Variants in CSMD1 observed in about 807,000 individuals in gnomAD.
The protein encoded by CSMD1 is CUB and Sushi multiple domains 1.
Under a neutral mutation model 417.5 loss-of-function variants are expected in CSMD1, and 213 were observed. That is an observed-to-expected ratio of 0.51 (90% CI 0.46 to 0.57). The LOEUF (loss-of-function observed/expected upper bound fraction) is 0.57. Ranked by LOEUF, CSMD1 falls within the 20% of genes least tolerant of loss-of-function variation. The pLI is 0.00. For missense variants in CSMD1, 6,923 were observed against 4,529.7 expected (o/e 1.53, Z -15.17); for synonymous variants, 2,862 against 1,736.8 (o/e 1.65, Z -16.11).
intron 7 of CSMD1, among the ~76,000 whole-genome samples, chr8:3,643,498 C>G (rs903217978): frequency 5.3e-5 from 8 of 151,814 alleles, no homozygotes; most frequent in Admixed American, 3.9e-4. Context: ...GTCAGGAGAT[C>G]GAAACCATCC....
At chr8:3,261,756 C>A (rs1801075155) in intron 26 of CSMD1, among the ~76,000 whole-genome samples, 1 of 152,116 alleles carries the variant, frequency 6.6e-6, no homozygotes, top group Non-Finnish European at 1.5e-5. Flanking sequence ...CGAGAGACGA[C>A]ACACTGCCTG....
chr8:3,097,604 G>A (rs1036032141), intron 46 of CSMD1, among the ~76,000 whole-genome samples: 1 of 152,158 alleles, frequency 6.6e-6, no homozygotes, highest in Non-Finnish European at 1.5e-5. Flanking sequence ...TGTCCTGGGT[G>A]AGACATAGCC....
intron 12 of CSMD1, among the ~76,000 whole-genome samples, chr8:3,462,105 C>T (rs1212063538): frequency 7.3e-6 from 1 of 137,888 alleles, no homozygotes; most frequent in South Asian, 2.4e-4. Context: ...CATTTGGGTG[C>T]TCTCTTCAGA....
At chr8:3,013,729 C>T (rs1293585748) in intron 52 of CSMD1, among the ~76,000 whole-genome samples, 1 of 148,150 alleles carries the variant, frequency 6.7e-6, no homozygotes, top group Non-Finnish European at 1.5e-5. Context: ...TCAGCCTGGG[C>T]AACTGAGACT....
Position 3,168,076 on chromosome 8 carries a change from C to T in CSMD1, c.5726-5799G>A, listed in dbSNP as rs1223460849. Among the ~76,000 whole-genome samples, 5 of 150,322 alleles carry T rather than the reference C, an allele frequency of 3.3e-5. No individual in the cohort carries two copies. In the South Asian group the frequency reaches 6.3e-4, roughly 19 times the overall value. The stretch of plus-strand genomic sequence containing the variant: ...TTAGAAAAAAAAAAAAAAGATATTT[C>T]AAACTAGAGAGCTCAAAACAAAAAA... On this transcript the variant is annotated intron_variant, in intron 37 of 69. Transcript: ENST00000635120.
At chr8:4,777,786 T>G (rs1264462392) in intron 1 of CSMD1, among the ~76,000 whole-genome samples, 11 of 152,094 alleles carry the variant, frequency 7.2e-5, no homozygotes, top group African/African-American at 2.7e-4. Context: ...AGTCAAAGAG[T>G]AAACATGACC....
chr8:4,892,685 A>G (rs1045267076), intron 1 of CSMD1, among the ~76,000 whole-genome samples: 1 of 151,944 alleles, frequency 6.6e-6, no homozygotes, highest in Non-Finnish European at 1.5e-5. Context: ...ATGCATTCAT[A>G]TAGTCTTTTT....
At chr8:4,932,653 A>G (rs540883869) in intron 1 of CSMD1, among the ~76,000 whole-genome samples, 1 of 152,310 alleles carries the variant, frequency 6.6e-6, no homozygotes, top group Admixed American at 6.5e-5. Context: ...TTCAGGACAA[A>G]TTGGTAAAGG....
intron 2 of CSMD1, among the ~76,000 whole-genome samples, chr8:4,593,766 T>C (rs914230780): frequency 7.2e-5 from 11 of 152,218 alleles, no homozygotes; most frequent in African/African-American, 2.4e-4. Context: ...ATTTCCATTT[T>C]GCAAAAAAGG....
intron 5 of CSMD1, among the ~76,000 whole-genome samples, chr8:3,790,078 T>C (rs1191915853): frequency 6.6e-6 from 1 of 152,222 alleles, no homozygotes; most frequent in Non-Finnish European, 1.5e-5. Flanking sequence ...TCAATGAAGG[T>C]CCATTATATG....
At chr8:4,246,938 G>T (rs989426644) in intron 3 of CSMD1, among the ~76,000 whole-genome samples, 1 of 152,278 alleles carries the variant, frequency 6.6e-6, no homozygotes, top group East Asian at 1.9e-4. Flanking sequence ...AGAGAATGTA[G>T]ATAATATTGA....
intron 1 of CSMD1, among the ~76,000 whole-genome samples, chr8:4,717,477 C>T (rs1808746763): frequency 6.6e-6 from 1 of 151,506 alleles, no homozygotes; most frequent in Non-Finnish European, 1.5e-5. Flanking sequence ...TATACACACA[C>T]ACCCCTTTCT....
chr8:3,530,656 G>C (rs1051385299), intron 10 of CSMD1, among the ~76,000 whole-genome samples: 2 of 152,086 alleles, frequency 1.3e-5, no homozygotes, highest in African/African-American at 4.8e-5. Flanking sequence ...CAAGTAGCTA[G>C]GATTACAAGT....
chr8:4,859,289 G>A (rs985878771), intron 1 of CSMD1, among the ~76,000 whole-genome samples: 53 of 152,134 alleles, frequency 3.5e-4, no homozygotes, highest in African/African-American at 1.1e-3. Flanking sequence ...AGACTTAAAC[G>A]TTAGACCTAA....
At chr8:2,955,820 A>G (rs1055577611) in intron 63 of CSMD1, 52 bp from the exon 64 acceptor site, 5 of 1,532,100 alleles carry the variant, frequency 3.3e-6, no homozygotes, top group Non-Finnish European at 4.5e-6. Context: ...AAGTTAGCAC[A>G]TGTGTCTAGA....
chr8:2,997,983 A>C, intron 54 of CSMD1, 28 bp downstream of exon 54: 1 of 1,604,272 alleles, frequency 6.2e-7, no homozygotes, highest in Non-Finnish European at 8.5e-7. Context: ...CTCAGAGCAA[A>C]GGGCTCATTC....
chr8:4,206,244 G>A (rs983702673), intron 3 of CSMD1, among the ~76,000 whole-genome samples: 2 of 151,876 alleles, frequency 1.3e-5, no homozygotes, highest in African/African-American at 4.8e-5. Flanking sequence ...GTGCACAAGG[G>A]GCAGGTTTGT....
chr8:3,525,859 A>T (rs1317821448), intron 10 of CSMD1, among the ~76,000 whole-genome samples: 2 of 152,142 alleles, frequency 1.3e-5, no homozygotes, highest in Non-Finnish European at 2.9e-5. Context: ...CAGAACCCCC[A>T]TTAGAAAATG....
chr8:3,664,000 G>A (rs1048775108), intron 7 of CSMD1, among the ~76,000 whole-genome samples: 1 of 152,146 alleles, frequency 6.6e-6, no homozygotes, highest in South Asian at 2.1e-4. Context: ...TTCAGCCATT[G>A]GATGGCTTGA....
Sources: gnomAD v4.1 joint callset for allele counts (sites outside exome capture counted in the v4.1 genomes callset) on GRCh38, gnomAD v4.1.1 for gene constraint, MANE v1.5 for transcripts, NCBI Gene and HGNC (gene_info 2026-07-23, HGNC 2026-07-21) for gene names.